The following ATP8A2 variants were observed in gnomAD, a reference collection of about 807,000 sequenced individuals.
ATP8A2 encodes phospholipid-transporting ATPase IB.
Under a neutral mutation model 165.6 loss-of-function variants are expected in ATP8A2, and 100 were observed. That is an observed-to-expected ratio of 0.60 (90% confidence interval 0.51 to 0.71). The LOEUF (loss-of-function observed/expected upper bound fraction) is 0.71, where lower values mean the gene tolerates loss of function less well. Ranked by LOEUF, ATP8A2 falls within the 30% of genes least tolerant of loss-of-function variation. The pLI is 0.00. For missense variants in ATP8A2, 1,227 were observed against 1,479.5 expected (o/e 0.83, Z 2.80); for synonymous variants, 543 against 548.8 (o/e 0.99, Z 0.15).
At chr13:25,514,890 T>C (rs1019704695) in intron 2 of ATP8A2, among the ~76,000 whole-genome samples, 1 of 152,162 alleles carries the variant, frequency 6.6e-6, no homozygotes, top group South Asian at 2.1e-4. Flanking sequence ...CCCTGCCTAA[T>C]ATATGATTGT....
intron 25 of ATP8A2, among the ~76,000 whole-genome samples, chr13:25,723,974 G>T (rs2043439861): frequency 6.6e-6 from 1 of 152,154 alleles, no homozygotes; most frequent in Admixed American, 6.6e-5. Context: ...AGAATGCGTG[G>T]CCAGGAAGTA....
At chr13:25,877,122 G>T (rs1039088375) in intron 33 of ATP8A2, among the ~76,000 whole-genome samples, 1 of 151,992 alleles carries the variant, frequency 6.6e-6, no homozygotes, top group African/African-American at 2.4e-5. Flanking sequence ...TCTCATACAT[G>T]ATATGAAAGT....
chr13:25,386,707 AAAAC>A lies in ATP8A2; in HGVS notation c.76+14421_76+14424del, dbSNP rs199929127. Among the ~76,000 whole-genome samples, 1,455 of 152,170 alleles carry A rather than the reference AAAAC, an allele frequency of 9.6e-3. 28 individuals carry two copies. The highest frequency in any genetic ancestry group is 0.033 in the African/African-American group (1,382 of 41,532). On this transcript the variant is annotated intron_variant, in intron 1 of 36. Transcript: ENST00000381655. ...TCTTGGTGTTCAACTACTTATTAAAAAAACACAGGCCGGGCACGGAGGCTCACGC... is the reference window on the plus strand; with the variant it reads ...TCTTGGTGTTCAACTACTTATTAAAAACAGGCCGGGCACGGAGGCTCACGC...
chr13:25,377,031 G>A (rs978482466), intron 1 of ATP8A2, among the ~76,000 whole-genome samples: 26 of 152,160 alleles, frequency 1.7e-4, no homozygotes, highest in African/African-American at 5.1e-4. Flanking sequence ...GACGCCTTCC[G>A]TTGTCCAGTA....
intron 1 of ATP8A2, among the ~76,000 whole-genome samples, chr13:25,379,714 G>C (rs977347062): frequency 6.6e-6 from 1 of 152,136 alleles, no homozygotes; most frequent in African/African-American, 2.4e-5. Context: ...TCTGGGACTC[G>C]GCGGAGCGGG....
chr13:25,621,476 A>G (rs1056690229), intron 24 of ATP8A2, among the ~76,000 whole-genome samples: 3 of 152,130 alleles, frequency 2.0e-5, no homozygotes, highest in Non-Finnish European at 4.4e-5. Flanking sequence ...CTTATATTCT[A>G]TAATCTGTGT....
intron 2 of ATP8A2, among the ~76,000 whole-genome samples, chr13:25,509,722 C>T (rs191082460): frequency 6.6e-6 from 1 of 151,908 alleles, no homozygotes; most frequent in African/African-American, 2.4e-5. Flanking sequence ...TAATATTCTC[C>T]TTCTGTGATT....
intron 1 of ATP8A2, among the ~76,000 whole-genome samples, chr13:25,447,454 C>T (rs1290089080): frequency 7.2e-5 from 11 of 152,062 alleles, no homozygotes; most frequent in Admixed American, 7.2e-4. Flanking sequence ...GGGGGTGGCT[C>T]ATTTACTTGG....
intron 27 of ATP8A2, among the ~76,000 whole-genome samples, chr13:25,818,358 GT>G (rs1951080814): frequency 6.6e-6 from 1 of 152,144 alleles, no homozygotes; most frequent in East Asian, 1.9e-4. Flanking sequence ...TAAAGTATCA[GT>G]AATATAATAA....
rs185416036 is a variant in ATP8A2 at position 25,404,911 on chromosome 13, A to G, written c.76+32623A>G. ...GCGAGGAAAAAGTGCCCTGACCAGA[A>G]TTCGGTGAAACCTCAACATCTAAGG... On this transcript the variant is annotated intron_variant, in intron 1 of 36. Transcript: ENST00000381655. Among the ~76,000 whole-genome samples, 5 of 152,246 alleles carry G rather than the reference A, an allele frequency of 3.3e-5. No homozygotes were observed. In the East Asian group the frequency reaches 7.8e-4, roughly 24 times the overall value.
rs759194844 is a variant in ATP8A2, at chr13:25,860,207, C to G, written c.2969C>G (p.Thr990Arg). Residue 990 changes from threonine to arginine, a missense_variant, in exon 31 of 37, where the codon ACA (threonine) becomes AGA (arginine). Around this residue, in one of 5 missense-constraint regions of ATP8A2, gnomAD observed 260 missense variants for 245.1 expected, o/e 1.06. Coordinates refer to ENST00000381655, the MANE Select transcript of ATP8A2 (RefSeq NM_016529.6). ...CTTTGTTTTTCAGATACTGTGTTGA[C>G]AAGTGGTCATGCTACCGACTATTTA... is the stretch of plus-strand genomic sequence containing the variant. ...MKALEHDTVL[T>R]SGHATDYLFV... The G allele has an allele frequency of 3.7e-6, 6 of 1,611,356 alleles. No homozygotes were observed. The highest frequency in any genetic ancestry group is 1.7e-5 in the Admixed American group (1 of 59,956).
intron 24 of ATP8A2, among the ~76,000 whole-genome samples, chr13:25,684,532 C>A (rs868263731): frequency 2.6e-4 from 40 of 152,162 alleles, no homozygotes; most frequent in South Asian, 2.1e-4. Flanking sequence ...TTGGTGAAAG[C>A]ACAAAATTAG....
At chr13:25,591,561 T>TGGACA (rs1310308365) in intron 24 of ATP8A2, among the ~76,000 whole-genome samples, 1 of 151,728 alleles carries the variant, frequency 6.6e-6, no homozygotes, top group Non-Finnish European at 1.5e-5. Context: ...AATCCATCAG[T>TGGACA]GGACAGTTGA....
intron 22 of ATP8A2, 87 bp from the exon 23 acceptor site, chr13:25,581,732 C>T (rs573813063): frequency 1.4e-5 from 17 of 1,248,582 alleles, no homozygotes; most frequent in African/African-American, 5.9e-5. Context: ...GTCTCAGAAC[C>T]GTTTGATTGC....
chr13:25,803,089 C>T (rs942716375), intron 27 of ATP8A2, among the ~76,000 whole-genome samples: 6 of 151,854 alleles, frequency 4.0e-5, no homozygotes, highest in Non-Finnish European at 5.9e-5. Flanking sequence ...ACCCTGAAAC[C>T]GGACATTTTC....
intron 27 of ATP8A2, 84 bp downstream of exon 27, chr13:25,775,043 A>G: frequency 1.3e-6 from 1 of 768,412 alleles, no homozygotes; most frequent in Non-Finnish European, 2.1e-6. Context: ...TCAAGGCAGG[A>G]TTTTGTTCAT....
At position 25,382,817 on chromosome 13, in the gene ATP8A2, A is replaced by G. The variant is rs566911269; in HGVS notation, c.76+10529A>G. Reference sequence around the variant, plus strand: ...GTCGCCCAGGCTGGAGTGCAGTGGCACGATCTCAGCTCACTGCAAGCTCCG... The same window carrying G: ...GTCGCCCAGGCTGGAGTGCAGTGGCGCGATCTCAGCTCACTGCAAGCTCCG... On this transcript the variant is annotated intron_variant, in intron 1 of 36. Transcript: ENST00000381655. Among the ~76,000 whole-genome samples the G allele has an allele frequency of 3.8e-3, 571 of 150,240 alleles. 3 individuals carry two copies. The highest frequency in any genetic ancestry group is 4.4e-3 in the Non-Finnish European group (299 of 67,762).
chr13:25,709,444 T>A (rs1048773927), intron 25 of ATP8A2, among the ~76,000 whole-genome samples: 2 of 152,228 alleles, frequency 1.3e-5, no homozygotes, highest in Admixed American at 1.3e-4. Context: ...GTTATCACAA[T>A]TATTTTGCCT....
At chr13:25,682,212 A>T (rs1041648649) in intron 24 of ATP8A2, among the ~76,000 whole-genome samples, 7 of 151,834 alleles carry the variant, frequency 4.6e-5, no homozygotes, top group Non-Finnish European at 1.0e-4. Flanking sequence ...TGTTAGCCGC[A>T]CTCCATTGCC....
Sources: allele counts gnomAD v4.1 joint callset (sites outside exome capture counted in the v4.1 genomes callset), GRCh38; gene constraint gnomAD v4.1.1; regional missense constraint gnomAD v4.1.1; transcripts MANE v1.5; gene names NCBI Gene and HGNC (gene_info 2026-07-23, HGNC 2026-07-21).